CCDC13: variants seen among roughly 807,000 people sequenced by gnomAD.
CCDC13 encodes the protein coiled-coil domain-containing protein 13.
CCDC13 carries 70 observed loss-of-function variants against 87.3 expected under a neutral mutation model. The observed-to-expected ratio is 0.80, with a 90% CI of 0.66 to 0.98. The LOEUF (loss-of-function observed/expected upper bound fraction) is 0.98, where lower values mean the gene tolerates loss of function less well. Among genes scored for constraint, CCDC13 ranks in the 50% least tolerant of loss-of-function variants. The probability of loss-of-function intolerance (pLI) is 0.00; values close to 1 mark genes in which losing one functional copy is unlikely to be tolerated. For missense variants in CCDC13, 842 were observed against 892.0 expected (o/e 0.94, Z 0.71); for synonymous variants, 317 against 360.3 (o/e 0.88, Z 1.36).
At chr3:42,766,820 T>C (rs1429371513) in intron 1 of CCDC13, among the ~76,000 whole-genome samples, 1 of 152,194 alleles carries the variant, frequency 6.6e-6, no homozygotes, top group Non-Finnish European at 1.5e-5. Context: ...ACAATCATAT[T>C]AGTAGACACA....
chr3:42,747,003 A>G (rs1377230508), intron 6 of CCDC13: 2 of 587,868 alleles, frequency 3.4e-6, no homozygotes, highest in East Asian at 6.2e-5. Flanking sequence ...AGAGCTGGGC[A>G]GGCACCACAA....
intron 10 of CCDC13, 186 bp from the exon 11 acceptor site, chr3:42,733,795 C>T (rs1367784699): frequency 3.9e-6 from 1 of 254,866 alleles, no homozygotes; most frequent in African/African-American, 2.3e-5. Context: ...AATAATGCCT[C>T]TCTTCAGAAA....
At position 42,746,011 on chromosome 3, in the gene CCDC13, A is replaced by G. The variant is rs761195669; in HGVS notation, c.737T>C (p.Val246Ala). ...CTGCTGAACGTTGATGTCTTCCCCAACCTCTCTGGCCAAAACCTGAAATAA... is the reference window on the plus strand; with the variant it reads ...CTGCTGAACGTTGATGTCTTCCCCAGCCTCTCTGGCCAAAACCTGAAATAA... ...RMAQKVLARE[V>A]GEDINVQQLL... The change falls in exon 7 of 16, where the codon GTT becomes GCT. Residue 246 changes from valine (V) to alanine (A), a missense_variant. Val to Ala is a moderately conservative substitution (Grantham distance 64). Transcript: ENST00000310232. 3.7e-6 allele frequency: 6 copies of G among 1,613,840 alleles called. No individual in the cohort carries two copies. Among genetic ancestry groups the G allele is most frequent in the Admixed American group, 1.7e-5 (1 of 59,994 alleles).
At chr3:42,755,730 AG>A (rs1699689137) in intron 3 of CCDC13, among the ~76,000 whole-genome samples, 1 of 152,254 alleles carries the variant, frequency 6.6e-6, no homozygotes, top group Admixed American at 6.5e-5. Flanking sequence ...AGGGACGCTT[AG>A]GGCTGGCAGT....
intron 13 of CCDC13, chr3:42,719,635 T>C (rs761987375): frequency 6.6e-6 from 1 of 152,134 alleles, no homozygotes; most frequent in Non-Finnish European, 1.5e-5. Flanking sequence ...AGCAAACTGG[T>C]CAGTTACAAA....
chr3:42,705,793 TAA>T lies in CCDC13; in HGVS notation c.*3185_*3186del, dbSNP rs1698163913. Among the ~76,000 whole-genome samples the T allele has an allele frequency of 6.6e-6, 1 of 152,294 alleles. No homozygotes were observed. Among genetic ancestry groups the T allele is most frequent in the East Asian group, 1.9e-4 (1 of 5,162 alleles). ...TGCCTGGCTGTGCACCTGGCCCACC[TAA>T]GTTAGGTTTCTCAGGGTCCCTATCT... On this transcript the variant is annotated 3_prime_UTR_variant, in exon 16 of 16. Coordinates refer to ENST00000310232, the MANE Select transcript of CCDC13 (RefSeq NM_144719.4).
At chr3:42,736,807 T>G (rs992201241) in intron 9 of CCDC13, among the ~76,000 whole-genome samples, 1 of 152,094 alleles carries the variant, frequency 6.6e-6, no homozygotes, top group Non-Finnish European at 1.5e-5. Context: ...AGGCACAACT[T>G]GGAATCTGAC....
chr3:42,721,057 T>C (rs1433400067), intron 13 of CCDC13, among the ~76,000 whole-genome samples: 2 of 152,208 alleles, frequency 1.3e-5, no homozygotes, highest in Non-Finnish European at 2.9e-5. Context: ...AAATATGAAA[T>C]AGTGTTTGGC....
downstream of CCDC13, among the ~76,000 whole-genome samples, chr3:42,705,520 G>A (rs1461035512): frequency 1.3e-5 from 2 of 152,156 alleles, no homozygotes; most frequent in Non-Finnish European, 2.9e-5. Flanking sequence ...CCTGGGGTGT[G>A]GCAGGGAGAG....
At chr3:42,769,984 C>T (rs2125916806) in intron 1 of CCDC13, among the ~76,000 whole-genome samples, 1 of 152,370 alleles carries the variant, frequency 6.6e-6, no homozygotes, top group East Asian at 1.9e-4. Flanking sequence ...CCCAGCCTCC[C>T]CAACGAGCGC....
At chr3:42,765,396 G>A (rs1439951006) in intron 1 of CCDC13, among the ~76,000 whole-genome samples, 1 of 152,006 alleles carries the variant, frequency 6.6e-6, no homozygotes, top group Non-Finnish European at 1.5e-5. Flanking sequence ...CTGTGGCCAG[G>A]GTGTCTATTT....
Position 42,707,423 on chromosome 3 carries a change from G to A in CCDC13, c.*1557C>T, listed in dbSNP as rs75296535. On this transcript the variant is annotated 3_prime_UTR_variant, in exon 16 of 16. Transcript: ENST00000310232. Reference sequence around the variant, plus strand: ...AACTTGCTGTGGGATCTCTAGATCCGTGTGACCCCATGCAGGGTCAGGGGC... The same window carrying A: ...AACTTGCTGTGGGATCTCTAGATCCATGTGACCCCATGCAGGGTCAGGGGC... 1.8e-4 allele frequency among the ~76,000 whole-genome samples: 27 copies of A among 152,250 alleles called. No individual in the cohort carries two copies. The highest frequency in any genetic ancestry group is 5.5e-4 in the African/African-American group (23 of 41,544).
Position 42,752,785 on chromosome 3 carries a change from C to G in CCDC13, c.371-68G>C. The stretch of plus-strand genomic sequence containing the variant: ...TACACATCAAACTCATGCTCCACCA[C>G]TAACAGCACCAGGGTCTTAAAAGCT... On this transcript the variant is annotated intron_variant, in intron 3 of 15. Transcript: ENST00000310232. 7 of 1,571,864 alleles carry G rather than the reference C, an allele frequency of 4.5e-6. No individual in the cohort carries two copies. The South Asian group carries it at 7.9e-5, about 18-fold the overall frequency.
At chr3:42,727,303 C>T (rs753982576) in intron 13 of CCDC13, among the ~76,000 whole-genome samples, 10 of 151,872 alleles carry the variant, frequency 6.6e-5, no homozygotes, top group Non-Finnish European at 1.3e-4. Context: ...ACCTGGGAGG[C>T]GGAGGTTGCA....
At chr3:42,770,677 A>G (rs1439432264) in intron 1 of CCDC13, 4 of 152,146 alleles carry the variant, frequency 2.6e-5, no homozygotes, top group African/African-American at 9.7e-5. Context: ...GCTACTGCTC[A>G]CTCTTTGGGT....
In CCDC13 at chr3:42,733,598, AT is replaced by A. The variant is rs1371056972; in HGVS notation, c.1382del (p.Asn461IlefsTer26). 1 of 1,607,652 alleles carries A rather than the reference AT, an allele frequency of 6.2e-7. No individual in the cohort carries two copies. Among genetic ancestry groups the A allele is most frequent in the Non-Finnish European group, 8.5e-7 (1 of 1,176,834 alleles). ...IGQLNVHYLR[N>X]KGVGEGSSGR... ...CACTGGACCCCTCACCCACTCCTTT[AT>A]TCCGAAGATACTGTAGGAACAGATG... On this transcript the variant is annotated frameshift_variant, in exon 11 of 16. Coordinates refer to ENST00000310232, the MANE Select transcript of CCDC13 (RefSeq NM_144719.4). LOFTEE classifies it high-confidence loss of function.
intron 1 of CCDC13, among the ~76,000 whole-genome samples, chr3:42,771,414 C>G (rs1419434676): frequency 6.6e-6 from 1 of 151,998 alleles, no homozygotes; most frequent in Non-Finnish European, 1.5e-5. Flanking sequence ...CTGGTGGATA[C>G]ACAGCATTAC....
At chr3:42,771,018 A>C (rs540080727) in intron 1 of CCDC13, 27 of 152,328 alleles carry the variant, frequency 1.8e-4, no homozygotes, top group African/African-American at 6.5e-4. Flanking sequence ...ACAATTCTGG[A>C]CTCAATAACT....
intron 6 of CCDC13, chr3:42,746,577 C>T (rs775737668): frequency 9.2e-5 from 15 of 163,210 alleles, no homozygotes; most frequent in East Asian, 1.8e-4. Flanking sequence ...AGAAACAATA[C>T]GCTCCAGCTT....
Sources: gnomAD v4.1 joint callset for allele counts (sites outside exome capture counted in the v4.1 genomes callset) on GRCh38, gnomAD v4.1.1 for gene constraint, MANE v1.5 for transcripts, NCBI Gene and HGNC (gene_info 2026-07-23, HGNC 2026-07-21) for gene names.